Variants in ZMIZ2 observed in about 807,000 individuals in gnomAD.
ZMIZ2 encodes zinc finger MIZ-type containing 2, also known as zinc finger MIZ domain-containing protein 2.
Under a neutral mutation model 93.9 loss-of-function variants are expected in ZMIZ2, and 26 were observed. The ratio of observed to expected loss-of-function variants is 0.28; its 90% CI spans 0.20 to 0.38. The LOEUF (loss-of-function observed/expected upper bound fraction) is 0.38, where lower values mean the gene tolerates loss of function less well. ZMIZ2 is among the 10% of genes least tolerant of loss of function. The probability of loss-of-function intolerance (pLI) is 1.00; values close to 1 mark genes in which losing one functional copy is unlikely to be tolerated. For synonymous variants in ZMIZ2, 485 were observed against 516.4 expected, an observed-to-expected ratio of 0.94 and a Z score of 0.82; for missense variants, 1,023 against 1,235.0, an observed-to-expected ratio of 0.83 and a Z score of 2.57.
chr7:44,759,368 C>T lies in ZMIZ2; in HGVS notation c.901C>T (p.Pro301Ser), dbSNP rs1418792004. Residue 301 changes from proline to serine, a missense_variant, in exon 7 of 19, where the codon CCC (proline) becomes TCC (serine). This residue lies in a region of ZMIZ2 where 656 missense variants were observed against 777.1 expected (regional missense o/e 0.84). Transcript: ENST00000309315. ...GCCCAGCCCTGGGCAGCCCCCTGCC[C>T]CCTCCCCTTCCTACCCTGGGCACAG... ...FAPSPGQPPA[P>S]SPSYPGHRLP... The T allele has an allele frequency of 1.2e-6, 2 of 1,605,514 alleles. No homozygotes were observed. The highest frequency in any genetic ancestry group is 1.7e-6 in the Non-Finnish European group (2 of 1,176,322).
Position 44,756,536 on chromosome 7 carries a change from C to T in ZMIZ2, c.162C>T (p.Ser54=). Residue 54 remains serine, a synonymous_variant, in exon 3 of 19, where the codon AGC becomes AGT. Coordinates refer to ENST00000309315, the MANE Select transcript of ZMIZ2 (RefSeq NM_031449.4). ...GGGGAGTTGGCAACGCGACACAGAG[C>T]CAGGTAAGCACCCACTGGTGCCCCA... ...TVWGVGNATQ[S]QVLGNPMGPA... 6.2e-7 allele frequency: 1 copy of T among 1,613,942 alleles called. No homozygotes were observed. The highest frequency in any genetic ancestry group is 8.5e-7 in the Non-Finnish European group (1 of 1,179,988).
chr7:44,767,606 CTGTT>C lies in ZMIZ2; in HGVS notation c.2749_2752del (p.Phe917ArgfsTer56), dbSNP rs1267127566. ...GAACAACAATGACGACCTGCTTTCT[CTGTT>C]TGAGAACAACTGATCCTGTGTTTAC... On this transcript the variant is annotated frameshift_variant, in exon 19 of 19. Transcript: ENST00000309315. LOFTEE classifies it high-confidence loss of function. 1.2e-6 allele frequency: 2 copies of C among 1,614,154 alleles called. No homozygotes were observed. Among genetic ancestry groups the C allele is most frequent in the Non-Finnish European group, 1.7e-6 (2 of 1,179,990 alleles).
intron 11 of ZMIZ2, among the ~76,000 whole-genome samples, chr7:44,762,249 A>G (rs1791272909): frequency 6.6e-6 from 1 of 152,380 alleles, no homozygotes; most frequent in Non-Finnish European, 1.5e-5. Flanking sequence ...AAAGCGATCC[A>G]GTAATATACC....
chr7:44,752,901 T>C (rs1790279059), intron 1 of ZMIZ2, among the ~76,000 whole-genome samples: 2 of 152,266 alleles, frequency 1.3e-5, no homozygotes, highest in Non-Finnish European at 2.9e-5. Context: ...CATAGTAGGG[T>C]AGCTGCTTGC....
At chr7:44,760,252 G>A (rs533327619) in intron 8 of ZMIZ2, 24 bp downstream of exon 8, 2 of 1,602,546 alleles carry the variant, frequency 1.2e-6, no homozygotes, top group South Asian at 2.2e-5. Context: ...CCGGGAGGAT[G>A]GGCCGGGAGG....
chr7:44,764,989 C>G lies in ZMIZ2; in HGVS notation c.1977C>G (p.Gly659=), dbSNP rs756044481. 1 of 1,614,220 alleles carries G rather than the reference C, an allele frequency of 6.2e-7. No individual in the cohort carries two copies. The highest frequency in any genetic ancestry group is 8.5e-7 in the Non-Finnish European group (1 of 1,180,030). Residue 659 remains glycine (G), a synonymous_variant, in exon 15 of 19, where the codon GGC becomes GGG. Transcript: ENST00000309315. ...TGGAGGTGGACCAGTACATGCTGGG[C>G]ATCCTGATTTACATTCAGAAGTAAG... The part of the protein sequence containing the change: ...EGLEVDQYML[G]ILIYIQNSDY...
Position 44,763,722 on chromosome 7 carries a change from T to G in ZMIZ2, c.1860+309T>G. The G allele has an allele frequency of 2.9e-6, 1 of 342,962 alleles. No individual in the cohort carries two copies. The highest frequency in any genetic ancestry group is 5.7e-5 in the East Asian group (1 of 17,494). 21.2% of individuals were successfully genotyped at this position (342,962 alleles called of 1,614,324 possible). A position where few individuals can be genotyped will look rare whatever the true frequency, so the allele number is the denominator to read the frequency against. On this transcript the variant is annotated intron_variant, in intron 13 of 18. Transcript: ENST00000309315. This position sits in a 1 kb window ranked among gnomAD's most constrained non-coding sequence, Gnocchi z 5.6. ...CCCTACCCCCAAGGGTGACCATCGT[T>G]AGCATCTGTCTTTGCAGAAATACTC...
chr7:44,748,825 T>C (rs1789855309), upstream of ZMIZ2: 1 of 150,092 alleles, frequency 6.7e-6, no homozygotes, highest in Non-Finnish European at 1.5e-5. Context: ...TGCATATGCA[T>C]GAGCGGCGCG....
Position 44,757,938 on chromosome 7 carries a change from A to G in ZMIZ2, c.643A>G (p.Ile215Val). Residue 215 changes from isoleucine to valine, a missense_variant, in exon 6 of 19, where the codon ATA becomes GTA. Physicochemically the swap from Ile to Val is conservative, Grantham distance 29. Transcript: ENST00000309315. ...CCCCGCTGGCATGAACCCTACTGGC[A>G]TAGGAGGGGTAATGGGCCCCTCTGG... is the stretch of plus-strand genomic sequence containing the variant. ...SVPAGMNPTG[I>V]GGVMGPSGLS... 1 of 1,612,340 alleles carries G rather than the reference A, an allele frequency of 6.2e-7. No homozygotes were observed. The highest frequency in any genetic ancestry group is 1.1e-5 in the South Asian group (1 of 90,608).
chr7:44,757,069 A>G lies in ZMIZ2; in HGVS notation c.288A>G (p.Glu96=). 1.2e-6 allele frequency: 2 copies of G among 1,608,052 alleles called. No individual in the cohort carries two copies. Among genetic ancestry groups the G allele is most frequent in the Non-Finnish European group, 1.7e-6 (2 of 1,177,880 alleles). ...PQCLGQQAFA[E]GGANKGYVQQ... is the part of the protein sequence containing the mutation. Reference sequence around the variant, plus strand: ...GCCTGGGACAGCAGGCGTTTGCTGAAGGCGGCGCCAACAAGGGCTACGTGC... The same window carrying G: ...GCCTGGGACAGCAGGCGTTTGCTGAGGGCGGCGCCAACAAGGGCTACGTGC... Residue 96 remains glutamate (E), a synonymous_variant, in exon 4 of 19, where the codon GAA becomes GAG. Transcript: ENST00000309315.
chr7:44,767,774 C>T lies in ZMIZ2; in HGVS notation c.*151C>T. ...CCAGAGCCTTCTGCCGCCAGCCCTGCCCCTGAATTGGAAGCAGCCCTGTGC... is the reference window on the plus strand; with the variant it reads ...CCAGAGCCTTCTGCCGCCAGCCCTGTCCCTGAATTGGAAGCAGCCCTGTGC... On this transcript the variant is annotated 3_prime_UTR_variant, in exon 19 of 19. Coordinates refer to ENST00000309315, the MANE Select transcript of ZMIZ2 (RefSeq NM_031449.4). The T allele has an allele frequency of 1.4e-6, 1 of 705,502 alleles. No homozygotes were observed. The highest frequency in any genetic ancestry group is 2.4e-6 in the Non-Finnish European group (1 of 413,590). 43.7% of individuals were successfully genotyped at this position (705,502 alleles called of 1,614,324 possible).
intron 1 of ZMIZ2, among the ~76,000 whole-genome samples, chr7:44,753,167 C>A (rs1414355564): frequency 2.0e-5 from 3 of 149,192 alleles, no homozygotes; most frequent in Non-Finnish European, 4.5e-5. Context: ...CAAAGTGTCT[C>A]TTTATGTTTT....
chr7:44,749,659 A>C (rs1298183649), intron 1 of ZMIZ2, among the ~76,000 whole-genome samples: 1 of 151,622 alleles, frequency 6.6e-6, no homozygotes, highest in East Asian at 1.9e-4. Flanking sequence ...CGGCACCCCC[A>C]CCCGGTGCCT....
Position 44,760,176 on chromosome 7 carries a change from G to A in ZMIZ2, c.1019G>A (p.Gly340Asp), listed in dbSNP as rs752877118. Residue 340 changes from glycine (G) to aspartate (D), a missense_variant, in exon 8 of 19, where the codon GGC becomes GAC. Gly to Asp is a moderately conservative substitution (Grantham distance 94). Transcript: ENST00000309315. Reference sequence around the variant, plus strand: ...CCCACAGAGCAGTTCAACGGGCAGGGCGCCAGCTTCAACGGGGGCAGCGTC... The same window carrying A: ...CCCACAGAGCAGTTCAACGGGCAGGACGCCAGCTTCAACGGGGGCAGCGTC... ...YKPTEQFNGQ[G>D]ASFNGGSVSY... 6.2e-7 allele frequency: 1 copy of A among 1,613,868 alleles called. No individual in the cohort carries two copies. Among genetic ancestry groups the A allele is most frequent in the South Asian group, 1.1e-5 (1 of 91,080 alleles).
In ZMIZ2 at chr7:44,764,937, A is replaced by C. The variant is rs564202262; in HGVS notation, c.1929-4A>C. On this transcript the variant is annotated splice_region_variant and splice_polypyrimidine_tract_variant and intron_variant, in intron 14 of 18. Coordinates refer to ENST00000309315, the MANE Select transcript of ZMIZ2 (RefSeq NM_031449.4). Reference sequence around the variant, plus strand: ...CTGAGCTGTGTCCCTTTTTTTCCCCACAGCAAGACAGCTTTGCTGGAGGGC... The same window carrying C: ...CTGAGCTGTGTCCCTTTTTTTCCCCCCAGCAAGACAGCTTTGCTGGAGGGC... The C allele has an allele frequency of 6.2e-7, 1 of 1,613,594 alleles. No individual in the cohort carries two copies. The highest frequency in any genetic ancestry group is 1.1e-5 in the South Asian group (1 of 91,046).
chr7:44,761,799 C>A lies in ZMIZ2; in HGVS notation c.1490C>A (p.Thr497Asn). Residue 497 changes from threonine to asparagine, a missense_variant, in exon 11 of 19, where the codon ACC becomes AAC. By Grantham distance (65) the Thr-to-Asn change is moderately conservative (BLOSUM62 0). This residue lies in a region of ZMIZ2 where 656 missense variants were observed against 777.1 expected (regional missense o/e 0.84). Transcript: ENST00000309315. This position sits in a 1 kb window ranked among gnomAD's most constrained non-coding sequence, Gnocchi z 5.8. ...GTCAGCGTCAATGCCACGCCGCTCA[C>A]CATCGAGCGTGGCGACAACAAGACC... ...VQVSVNATPL[T>N]IERGDNKTSH... 6.2e-7 allele frequency: 1 copy of A among 1,613,960 alleles called. No homozygotes were observed. Among genetic ancestry groups the A allele is most frequent in the Non-Finnish European group, 8.5e-7 (1 of 1,180,032 alleles).
intron 1 of ZMIZ2, among the ~76,000 whole-genome samples, chr7:44,753,006 C>G (rs1790288052): frequency 6.6e-6 from 1 of 152,144 alleles, no homozygotes; most frequent in South Asian, 2.1e-4. Context: ...TTCTCCTTGC[C>G]AGCATTTAGT....
At chr7:44,757,320 A>G in intron 4 of ZMIZ2, 58 bp from the exon 5 acceptor site, 2 of 1,572,118 alleles carry the variant, frequency 1.3e-6, no homozygotes, top group Non-Finnish European at 1.7e-6. Flanking sequence ...TGGGGTGAGC[A>G]CAGTCCTGGC....
In ZMIZ2 at chr7:44,762,977, A is replaced by G. The variant is rs530339068; in HGVS notation, c.1693A>G (p.Ile565Val). ...KKRLLPAEHC[I>V]TKIKRNFSSG... ...GCGCCTCCTGCCTGCTGAGCACTGC[A>G]TCACCAAGAGTGAGTGGCTCCTGCC... The change falls in exon 12 of 19, where the codon ATC (isoleucine) becomes GTC (valine). Residue 565 changes from isoleucine (I) to valine (V), a missense_variant. By Grantham distance (29) the Ile-to-Val change is conservative. Transcript: ENST00000309315. 5.3e-5 allele frequency: 85 copies of G among 1,612,194 alleles called. 1 individual carries two copies. The South Asian group carries it at 8.8e-4, about 17-fold the overall frequency.
Sources: allele counts gnomAD v4.1 joint callset (sites outside exome capture counted in the v4.1 genomes callset), GRCh38; gene constraint gnomAD v4.1.1; regional missense constraint gnomAD v4.1.1; non-coding constraint Gnocchi (gnomAD v3.1); transcripts MANE v1.5; gene names NCBI Gene and HGNC (gene_info 2026-07-23, HGNC 2026-07-21).